SLC44A5: variants seen among roughly 807,000 people sequenced by gnomAD.
SLC44A5 encodes the protein choline transporter-like protein 5.
Under a neutral mutation model 101.8 loss-of-function variants are expected in SLC44A5, and 57 were observed. That is an observed-to-expected ratio of 0.56 (90% CI 0.45 to 0.70). The LOEUF (loss-of-function observed/expected upper bound fraction) is 0.70, where lower values mean the gene tolerates loss of function less well. Ranked by LOEUF, SLC44A5 falls within the 30% of genes least tolerant of loss-of-function variation. The pLI is 0.00. For missense variants in SLC44A5, 737 were observed against 853.1 expected, an observed-to-expected ratio of 0.86 and a Z score of 1.70; for synonymous variants, 281 against 290.9, an observed-to-expected ratio of 0.97 and a Z score of 0.35.
chr1:75,699,599 G>GA, the SLC44A5 span, among the ~76,000 whole-genome samples: 2,572 of 101,814 alleles, frequency 0.025, 35 homozygotes, highest in East Asian at 0.076. Context: ...ACCAATTAAC[G>GA]AAAAAAAAAA....
At chr1:75,329,162 T>A (rs1656831942) in intron 4 of SLC44A5, among the ~76,000 whole-genome samples, 1 of 152,198 alleles carries the variant, frequency 6.6e-6, no homozygotes, top group African/African-American at 2.4e-5. Context: ...GATGTGGTCA[T>A]TTCAGAGTTA....
At chr1:75,623,238 T>C in the SLC44A5 span, among the ~76,000 whole-genome samples, 1 of 152,048 alleles carries the variant, frequency 6.6e-6, no homozygotes, top group Non-Finnish European at 1.5e-5. Flanking sequence ...CATAGTGCTA[T>C]AGGAGAGGGC....
intron 1 of SLC44A5, among the ~76,000 whole-genome samples, chr1:75,590,775 G>C (rs438611): frequency 0.67 from 102,409 of 151,890 alleles, 34,897 homozygotes; most frequent in East Asian, 0.84. Context: ...TGAGTGCCAG[G>C]TCAACAACAA....
At chr1:75,210,065 G>C (rs945613558) in intron 23 of SLC44A5, among the ~76,000 whole-genome samples, 1 of 150,016 alleles carries the variant, frequency 6.7e-6, no homozygotes, top group Admixed American at 6.6e-5. Context: ...TTTTTTCTCA[G>C]AGCCAGGATC....
chr1:75,499,779 G>A (rs1217344935), intron 2 of SLC44A5, among the ~76,000 whole-genome samples: 1 of 152,138 alleles, frequency 6.6e-6, no homozygotes, highest in Non-Finnish European at 1.5e-5. Flanking sequence ...TACAGATGCA[G>A]CTAGTGTAAA....
rs375785553 is a variant in SLC44A5 at position 75,341,082 on chromosome 1, C to T, written c.53-1452G>A. On this transcript the variant is annotated intron_variant, in intron 3 of 23. Coordinates refer to ENST00000370859, the MANE Select transcript of SLC44A5 (RefSeq NM_001130058.2). ...TAATAATTCGTTCTCTCTTGGCTTA[C>T]ATTTTAACTATTTATTTTAACAACA... 1.1e-3 allele frequency among the ~76,000 whole-genome samples: 161 copies of T among 152,332 alleles called. 4 individuals are homozygous for T. The South Asian group carries it at 0.032, about 31-fold the overall frequency.
chr1:75,673,323 A>C, the SLC44A5 span, among the ~76,000 whole-genome samples: 3 of 151,826 alleles, frequency 2.0e-5, no homozygotes, highest in Non-Finnish European at 4.4e-5. Context: ...ACCACAAGGA[A>C]AACTCTGCTT....
intron 2 of SLC44A5, among the ~76,000 whole-genome samples, chr1:75,484,729 T>C (rs1570422994): frequency 1.3e-5 from 2 of 152,370 alleles, no homozygotes; most frequent in Admixed American, 1.3e-4. Context: ...AGCAGACTTC[T>C]GTCTGGACAT....
At chr1:75,507,910 T>G (rs1324916454) in intron 2 of SLC44A5, among the ~76,000 whole-genome samples, 1 of 152,146 alleles carries the variant, frequency 6.6e-6, no homozygotes, top group East Asian at 1.9e-4. Flanking sequence ...AAGACTTAGA[T>G]AGTCACACAA....
chr1:75,324,732 C>G (rs989391475), intron 4 of SLC44A5, among the ~76,000 whole-genome samples: 2 of 152,048 alleles, frequency 1.3e-5, no homozygotes, highest in Non-Finnish European at 2.9e-5. Context: ...TCTATTTTTT[C>G]TCACAAAATT....
intron 20 of SLC44A5, among the ~76,000 whole-genome samples, 185 bp from the exon 21 acceptor site, chr1:75,214,174 A>G (rs1337948151): frequency 6.6e-6 from 1 of 152,030 alleles, no homozygotes; most frequent in Non-Finnish European, 1.5e-5. Flanking sequence ...TTTAATGTAA[A>G]CAGAAGATGG....
intron 2 of SLC44A5, among the ~76,000 whole-genome samples, chr1:75,492,048 G>A (rs1193894507): frequency 6.6e-6 from 1 of 152,092 alleles, no homozygotes; most frequent in Non-Finnish European, 1.5e-5. Context: ...TGAACACAAT[G>A]GGTATGTTAC....
At chr1:75,334,234 A>C (rs1657274698) in intron 4 of SLC44A5, among the ~76,000 whole-genome samples, 1 of 152,166 alleles carries the variant, frequency 6.6e-6, no homozygotes, top group Non-Finnish European at 1.5e-5. Context: ...TTTGTTCATC[A>C]GTGTGTCTTC....
Position 75,482,275 on chromosome 1 carries a change from T to TCCCTA in SLC44A5, c.13+59159_13+59160insTAGGG, listed in dbSNP as rs1667911669. Reference sequence around the variant, plus strand: ...TCACACTCTAGGGACTGTTGTGGGGTGGGGGGACGGGGGAGGGATAGCATT... The same window carrying TCCCTA: ...TCACACTCTAGGGACTGTTGTGGGGTCCCTAGGGGGGACGGGGGAGGGATAGCATT... On this transcript the variant is annotated intron_variant, in intron 2 of 23. Coordinates refer to ENST00000370859, the MANE Select transcript of SLC44A5 (RefSeq NM_001130058.2). Among the ~76,000 whole-genome samples the TCCCTA allele has an allele frequency of 4.3e-5, 4 of 92,308 alleles. No individual in the cohort carries two copies. The South Asian group carries it at 1.0e-3, about 23-fold the overall frequency. 60.6% of individuals were successfully genotyped at this position (92,308 alleles called of 152,430 possible).
chr1:75,400,895 C>T (rs1249553192), intron 2 of SLC44A5, among the ~76,000 whole-genome samples: 2 of 152,186 alleles, frequency 1.3e-5, no homozygotes, highest in Non-Finnish European at 2.9e-5. Flanking sequence ...ACTGCTGTGC[C>T]CTGCTTGCCA....
chr1:75,488,689 T>TA (rs1668282730), intron 2 of SLC44A5, among the ~76,000 whole-genome samples: 1 of 152,182 alleles, frequency 6.6e-6, no homozygotes, highest in Non-Finnish European at 1.5e-5. Context: ...ATTATTTTTT[T>TA]AAAAAATCAT....
At chr1:75,225,799 C>T (rs983350241) in intron 13 of SLC44A5, among the ~76,000 whole-genome samples, 3 of 152,172 alleles carry the variant, frequency 2.0e-5, no homozygotes, top group Non-Finnish European at 4.4e-5. Flanking sequence ...TATTCCTAGA[C>T]TTGAAAATTC....
At chr1:75,694,177 AG>A in the SLC44A5 span, among the ~76,000 whole-genome samples, 1 of 151,864 alleles carries the variant, frequency 6.6e-6, no homozygotes, top group Non-Finnish European at 1.5e-5. Flanking sequence ...TGAGTAGGCA[AG>A]AAGGAATGGA....
intron 2 of SLC44A5, among the ~76,000 whole-genome samples, chr1:75,534,051 CTGG>C (rs1468636105): frequency 6.6e-6 from 1 of 152,182 alleles, no homozygotes; most frequent in Non-Finnish European, 1.5e-5. Flanking sequence ...CTCCTGCCAA[CTGG>C]ATCTGCAAAA....
Sources: allele counts gnomAD v4.1 joint callset (sites outside exome capture counted in the v4.1 genomes callset), GRCh38; gene constraint gnomAD v4.1.1; transcripts MANE v1.5; gene names NCBI Gene and HGNC (gene_info 2026-07-23, HGNC 2026-07-21).